Variants in WDR93 observed in about 807,000 individuals in gnomAD.
WDR93 encodes the protein WD repeat-containing protein 93.
A neutral mutation model predicts 82.9 loss-of-function variants in WDR93; 73 were observed. That is an observed-to-expected ratio of 0.88 (90% CI 0.73 to 1.07). The LOEUF (loss-of-function observed/expected upper bound fraction) is 1.07, where lower values mean the gene tolerates loss of function less well. Among genes scored for constraint, WDR93 ranks in the 50% least tolerant of loss-of-function variants. The pLI is 0.00. For missense variants in WDR93, 738 were observed against 826.0 expected, an observed-to-expected ratio of 0.89 and a Z score of 1.31; for synonymous variants, 283 against 300.1, an observed-to-expected ratio of 0.94 and a Z score of 0.59.
chr15:89,709,073 G>T (rs537286363), intron 4 of WDR93, among the ~76,000 whole-genome samples: 2 of 152,242 alleles, frequency 1.3e-5, no homozygotes, highest in Non-Finnish European at 2.9e-5. Flanking sequence ...TAACCAGGGT[G>T]CAGGAGAACA....
rs769473694 is a variant in WDR93, at chr15:89,727,346, G to A, written c.1052+18G>A. 6.2e-6 allele frequency: 10 copies of A among 1,611,094 alleles called. No homozygotes were observed. The highest frequency in any genetic ancestry group is 1.1e-5 in the South Asian group (1 of 90,684). On this transcript the variant is annotated intron_variant, in intron 9 of 16. Transcript: ENST00000268130. The stretch of plus-strand genomic sequence containing the variant: ...CCACTCAGGTGAGCCTCCTAATCCC[G>A]GGAAAGCCAGGGAGCATCCCCAGGC...
At chr15:89,706,319 T>G (rs1357193895) in intron 4 of WDR93, among the ~76,000 whole-genome samples, 2 of 97,844 alleles carry the variant, frequency 2.0e-5, no homozygotes, top group South Asian at 3.3e-4. Context: ...AGAGTAAGGT[T>G]TTTTTTTTTT....
At position 89,709,913 on chromosome 15, in the gene WDR93, T is replaced by C. The variant is rs550998577; in HGVS notation, c.562-2113T>C. ...CAGTGGCTCCTGCCTGTAATCCCAG[T>C]ACTGTGGGAGGCTGAGGCGGGCGGA... On this transcript the variant is annotated intron_variant, in intron 4 of 16. Coordinates refer to ENST00000268130, the MANE Select transcript of WDR93 (RefSeq NM_020212.2). Among the ~76,000 whole-genome samples, 363 of 150,948 alleles carry C rather than the reference T, an allele frequency of 2.4e-3. 2 individuals carry two copies. Among genetic ancestry groups the C allele is most frequent in the Non-Finnish European group, 3.6e-3 (245 of 67,836 alleles).
intron 14 of WDR93, among the ~76,000 whole-genome samples, chr15:89,737,086 C>T (rs189026500): frequency 7.9e-5 from 12 of 152,180 alleles, no homozygotes; most frequent in Non-Finnish European, 1.5e-4. Flanking sequence ...CCATCGCGCC[C>T]GGCCAAAGGG....
At chr15:89,732,604 T>C (rs1966872817) in intron 12 of WDR93, among the ~76,000 whole-genome samples, 1 of 143,714 alleles carries the variant, frequency 7.0e-6, no homozygotes, top group Admixed American at 6.9e-5. Flanking sequence ...TATTAAGTTC[T>C]TGTTGTTTGG....
intron 14 of WDR93, 62 bp from the exon 15 acceptor site, chr15:89,737,511 C>A (rs77903991): frequency 1.9e-6 from 3 of 1,602,298 alleles, no homozygotes; most frequent in Admixed American, 3.4e-5. Flanking sequence ...GACCTCTACA[C>A]GACCTTCCTG....
intron 7 of WDR93, among the ~76,000 whole-genome samples, chr15:89,721,784 A>G (rs1164081211): frequency 6.6e-6 from 1 of 151,926 alleles, no homozygotes; most frequent in Non-Finnish European, 1.5e-5. Flanking sequence ...CACCATGCCC[A>G]GTAAGGGTCT....
In WDR93 at chr15:89,701,924, A is replaced by G. The variant is rs1381625829; in HGVS notation, c.178A>G (p.Ile60Val). 1 of 1,614,056 alleles carries G rather than the reference A, an allele frequency of 6.2e-7. No homozygotes were observed. The highest frequency in any genetic ancestry group is 8.5e-7 in the Non-Finnish European group (1 of 1,180,026). ...LDSLPQPYRM[I>V]NKLVNLLFDQ... is the part of the protein sequence containing the mutation. ...TTCCTTGCCTCAGCCTTATCGAATG[A>G]TCAACAAGCTGGTGAACCTTCTGTT... The change falls in exon 2 of 17, where the codon ATC becomes GTC. Residue 60 changes from isoleucine (I) to valine (V), a missense_variant. Ile to Val is a conservative substitution (Grantham distance 29). Transcript: ENST00000268130.
At position 89,701,988 on chromosome 15, in the gene WDR93, T is replaced by G. The variant is rs1264527377; in HGVS notation, c.242T>G (p.Leu81Arg). The change falls in exon 2 of 17, where the codon CTG (leucine) becomes CGG (arginine). Residue 81 changes from leucine (L) to arginine (R), a missense_variant. Transcript: ENST00000268130. ...GAAATTATTGAAGAGAGAAACGCAC[T>G]GAGGGAAGCTGAGAGCAGCCAGATC... is the stretch of plus-strand genomic sequence containing the variant. ...SWEIIEERNA[L>R]REAESSQIQP... is the part of the protein sequence containing the mutation. 3 of 1,613,138 alleles carry G rather than the reference T, an allele frequency of 1.9e-6. No homozygotes were observed. Among genetic ancestry groups the G allele is most frequent in the African/African-American group, 2.7e-5 (2 of 74,900 alleles).
At chr15:89,714,124 C>T (rs1966132887) in intron 5 of WDR93, 1 of 152,190 alleles carries the variant, frequency 6.6e-6, no homozygotes, top group Non-Finnish European at 1.5e-5. Context: ...TTAGGTACAT[C>T]TTTCCCAATT....
rs769933969 is a variant in WDR93, at chr15:89,712,014, T to G, written c.562-12T>G. On this transcript the variant is annotated splice_polypyrimidine_tract_variant and intron_variant, in intron 4 of 16. Coordinates refer to ENST00000268130, the MANE Select transcript of WDR93 (RefSeq NM_020212.2). Reference sequence around the variant, plus strand: ...GCTATGCCTACTCTATCAACATCTCTTTTGTTTTCAGGATGATACCAGCAA... The same window carrying G: ...GCTATGCCTACTCTATCAACATCTCGTTTGTTTTCAGGATGATACCAGCAA... 1 of 1,610,578 alleles carries G rather than the reference T, an allele frequency of 6.2e-7. No homozygotes were observed. Among genetic ancestry groups the G allele is most frequent in the Non-Finnish European group, 8.5e-7 (1 of 1,177,514 alleles).
At chr15:89,740,911 G>A (rs189189091) in intron 16 of WDR93, among the ~76,000 whole-genome samples, 136 of 152,126 alleles carry the variant, frequency 8.9e-4, no homozygotes, top group Non-Finnish European at 1.6e-3. Flanking sequence ...AGGCCAAGGC[G>A]GGTGGATCAC....
chr15:89,717,777 TAAA>T (rs1181259320), intron 7 of WDR93, among the ~76,000 whole-genome samples: 1 of 152,224 alleles, frequency 6.6e-6, no homozygotes, highest in Non-Finnish European at 1.5e-5. Flanking sequence ...TTCTTTTTCT[TAAA>T]AGAGGGTCCT....
At chr15:89,716,539 G>A (rs796108937) in intron 6 of WDR93, among the ~76,000 whole-genome samples, 9 of 152,236 alleles carry the variant, frequency 5.9e-5, no homozygotes, top group African/African-American at 1.2e-4. Context: ...CTTTTACTAC[G>A]AATTATATTT....
chr15:89,709,040 G>A (rs1230025901), intron 4 of WDR93, among the ~76,000 whole-genome samples: 1 of 152,234 alleles, frequency 6.6e-6, no homozygotes. Context: ...GTCCGGTGCA[G>A]GGAGAAGTGA....
intron 7 of WDR93, among the ~76,000 whole-genome samples, chr15:89,718,884 G>A (rs548331971): frequency 1.3e-5 from 2 of 152,160 alleles, no homozygotes; most frequent in Non-Finnish European, 2.9e-5. Flanking sequence ...CAAAGTGCTG[G>A]GATTACAGGC....
At chr15:89,691,753 T>C (rs1964899050) in intron 1 of WDR93, among the ~76,000 whole-genome samples, 1 of 148,114 alleles carries the variant, frequency 6.8e-6, no homozygotes, top group South Asian at 2.1e-4. Context: ...AAGGTGAACA[T>C]TTTCGTAATC....
intron 4 of WDR93, among the ~76,000 whole-genome samples, chr15:89,710,486 A>G (rs555728621): frequency 1.3e-5 from 2 of 152,336 alleles, no homozygotes; most frequent in East Asian, 1.9e-4. Context: ...GTAACGTCCT[A>G]TACCTTGACA....
intron 1 of WDR93, among the ~76,000 whole-genome samples, chr15:89,692,826 TG>T (rs1964967517): frequency 6.6e-6 from 1 of 152,194 alleles, no homozygotes; most frequent in Non-Finnish European, 1.5e-5. Flanking sequence ...CAGGCTGGTC[TG>T]GAACTCCTGA....
Sources: gnomAD v4.1 joint callset for allele counts (sites outside exome capture counted in the v4.1 genomes callset) on GRCh38, gnomAD v4.1.1 for gene constraint, MANE v1.5 for transcripts, NCBI Gene and HGNC (gene_info 2026-07-23, HGNC 2026-07-21) for gene names.